The following FRRS1L variants were observed in gnomAD, a reference collection of about 807,000 sequenced individuals.
FRRS1L encodes the protein ferric chelate reductase 1 like, also known as DOMON domain-containing protein FRRS1L.
Under a neutral mutation model 28.6 loss-of-function variants are expected in FRRS1L, and 22 were observed. That is an observed-to-expected ratio of 0.77 (90% CI 0.55 to 1.10). The LOEUF is 1.10. Among genes scored for constraint, FRRS1L ranks in the 50% least tolerant of loss-of-function variants. The probability of loss-of-function intolerance (pLI) is 0.00; values close to 1 mark genes in which losing one functional copy is unlikely to be tolerated. For synonymous variants in FRRS1L, 158 were observed against 151.4 expected (o/e 1.04, Z -0.32); for missense variants, 380 against 386.9 (o/e 0.98, Z 0.15).
chr9:109,151,386 T>C (rs2118491439), intron 1 of FRRS1L: 1 of 153,494 alleles, frequency 6.5e-6, no homozygotes, highest in East Asian at 1.9e-4. Context: ...CCACTCCCCA[T>C]GGCTTGCATA....
intron 3 of FRRS1L, among the ~76,000 whole-genome samples, chr9:109,146,615 C>A (rs1335401042): frequency 1.3e-5 from 2 of 152,142 alleles, no homozygotes; most frequent in African/African-American, 4.8e-5. Context: ...GGTTCTTTCA[C>A]TTCTGCCTCT....
intron 1 of FRRS1L, chr9:109,151,669 T>G (rs1831331475): frequency 5.6e-6 from 1 of 177,918 alleles, no homozygotes; most frequent in Non-Finnish European, 1.2e-5. Flanking sequence ...AGAAATAAAG[T>G]GCACAATAAA....
Position 109,137,627 on chromosome 9 carries a change from C to T in FRRS1L, c.710G>A (p.Gly237Asp), listed in dbSNP as rs759548438. The T allele has an allele frequency of 3.2e-6, 5 of 1,538,790 alleles. No individual in the cohort carries two copies. Among genetic ancestry groups the T allele is most frequent in the Non-Finnish European group, 4.4e-6 (5 of 1,138,768 alleles). ...YLFAWGPAIQ[G>D]SITRHDIDSP... ...GTCTATATCATGTCGAGTGATAGAG[C>T]CTTTAAGAAAAAAAGAGAAGAGCAG... The change falls in exon 5 of 5, where the codon GGC becomes GAC. Residue 237 changes from glycine (G) to aspartate (D), a missense_variant and splice_region_variant. Coordinates refer to ENST00000561981, the MANE Select transcript of FRRS1L (RefSeq NM_014334.4).
At chr9:109,150,019 C>T (rs980452745) in intron 1 of FRRS1L, 7 of 240,898 alleles carry the variant, frequency 2.9e-5, no homozygotes, top group African/African-American at 1.4e-4. Context: ...ACCGCTGTCC[C>T]CTGGGAGTTT....
At chr9:109,149,183 G>A (rs1831298933) in intron 2 of FRRS1L, among the ~76,000 whole-genome samples, 1 of 152,206 alleles carries the variant, frequency 6.6e-6, no homozygotes, top group African/African-American at 2.4e-5. Context: ...CACCATGCCT[G>A]AGATAACAAG....
chr9:109,137,369 C>A lies in FRRS1L; in HGVS notation c.*86G>T. On this transcript the variant is annotated 3_prime_UTR_variant, in exon 5 of 5. Transcript: ENST00000561981. ...GGTTTTTTTTCTTAAATAATTGAAG[C>A]TAAAATTATACTGGATATTCTTTAA... 1 of 835,704 alleles carries A rather than the reference C, an allele frequency of 1.2e-6. No homozygotes were observed. The highest frequency in any genetic ancestry group is 3.1e-5 in the East Asian group (1 of 32,294). The allele number at this position is 835,704 out of a possible 1,614,324, so 51.8% of individuals were successfully genotyped here. A position where few individuals can be genotyped will look rare whatever the true frequency, so the allele number is the denominator to read the frequency against.
chr9:109,142,802 G>T (rs1396772878), intron 3 of FRRS1L, among the ~76,000 whole-genome samples: 2 of 131,680 alleles, frequency 1.5e-5, no homozygotes, highest in African/African-American at 5.6e-5. Flanking sequence ...GTGAGACCCT[G>T]TCTCAAAAAA....
chr9:109,152,588 A>C (rs1831344375), intron 1 of FRRS1L, among the ~76,000 whole-genome samples: 1 of 151,570 alleles, frequency 6.6e-6, no homozygotes, highest in Non-Finnish European at 1.5e-5. Flanking sequence ...GCAGATCATG[A>C]GGTCAGGAGA....
chr9:109,156,616 C>T (rs893393159), intron 1 of FRRS1L, among the ~76,000 whole-genome samples: 3 of 151,122 alleles, frequency 2.0e-5, no homozygotes, highest in African/African-American at 7.3e-5. Flanking sequence ...GTCTCAATCC[C>T]CTGACCTCGT....
At chr9:109,158,412 T>G (rs185199739) in intron 1 of FRRS1L, among the ~76,000 whole-genome samples, 3 of 152,354 alleles carry the variant, frequency 2.0e-5, no homozygotes, top group African/African-American at 7.2e-5. Context: ...CATAAGGTTA[T>G]GCAACCATCA....
At chr9:109,146,680 T>C (rs1043414960) in intron 3 of FRRS1L, among the ~76,000 whole-genome samples, 5 of 152,070 alleles carry the variant, frequency 3.3e-5, no homozygotes, top group African/African-American at 1.2e-4. Flanking sequence ...AAAACCTGAA[T>C]CCAACTCATG....
chr9:109,147,163 T>C lies in FRRS1L; in HGVS notation c.350A>G (p.Glu117Gly). Residue 117 changes from glutamate (E) to glycine (G), a missense_variant, in exon 3 of 5, where the codon GAG becomes GGG. Coordinates refer to ENST00000561981, the MANE Select transcript of FRRS1L (RefSeq NM_014334.4). ...FRYGKPGCNA[E>G]TCDYFLSYRM... is the part of the protein sequence containing the mutation. ...GTAGCTGAGGAAATAGTCACAGGTC[T>C]CTGCATTACAGCCTGGTTTGCCATA... 1 of 1,613,740 alleles carries C rather than the reference T, an allele frequency of 6.2e-7. No individual in the cohort carries two copies. The highest frequency in any genetic ancestry group is 8.5e-7 in the Non-Finnish European group (1 of 1,179,592).
chr9:109,143,054 C>T (rs2118472329), intron 3 of FRRS1L, among the ~76,000 whole-genome samples: 1 of 152,190 alleles, frequency 6.6e-6, no homozygotes, highest in East Asian at 1.9e-4. Context: ...TGTGATGGCT[C>T]ACGCCTATAA....
At chr9:109,157,436 G>A (rs553641510) in intron 1 of FRRS1L, among the ~76,000 whole-genome samples, 42 of 152,082 alleles carry the variant, frequency 2.8e-4, no homozygotes, top group African/African-American at 9.9e-4. Flanking sequence ...ACCCAGGCTA[G>A]AGTGCAGTGG....
chr9:109,137,671 C>G lies in FRRS1L; in HGVS notation c.710-44G>C, dbSNP rs766494104. Reference sequence around the variant, plus strand: ...AGAGCAGGGGCAATTGAAAAAAGAACAGATTTATAATGGTATAGGCAAACA... The same window carrying G: ...AGAGCAGGGGCAATTGAAAAAAGAAGAGATTTATAATGGTATAGGCAAACA... On this transcript the variant is annotated intron_variant, in intron 4 of 4. Transcript: ENST00000561981. The G allele has an allele frequency of 1.7e-5, 22 of 1,319,160 alleles. No homozygotes were observed. The Admixed American group carries it at 2.4e-4, about 15-fold the overall frequency. 81.7% of individuals were successfully genotyped at this position (1,319,160 alleles called of 1,614,324 possible).
At chr9:109,155,703 CAAA>C (rs539557102) in intron 1 of FRRS1L, among the ~76,000 whole-genome samples, 1 of 81,042 alleles carries the variant, frequency 1.2e-5, no homozygotes, top group Non-Finnish European at 2.4e-5. Context: ...GACTCCATCT[CAAA>C]AAAAAAAAAA....
chr9:109,142,908 T>A (rs1198026397), intron 3 of FRRS1L, among the ~76,000 whole-genome samples: 3 of 152,228 alleles, frequency 2.0e-5, no homozygotes, highest in African/African-American at 7.2e-5. Context: ...ATTTTGTTAA[T>A]CTAAGTAGCT....
chr9:109,143,516 CTT>C (rs371939320), intron 3 of FRRS1L, among the ~76,000 whole-genome samples: 42 of 135,140 alleles, frequency 3.1e-4, no homozygotes, highest in Middle Eastern at 3.8e-3. Context: ...AATAATGCAC[CTT>C]TTTTTTTTTT....
intron 4 of FRRS1L, chr9:109,138,640 G>C (rs575122816): frequency 9.2e-5 from 14 of 152,264 alleles, no homozygotes; most frequent in African/African-American, 3.4e-4. Context: ...TTAAACCTGG[G>C]AGGTGGAGGC....
Sources: gnomAD v4.1 joint callset for allele counts (sites outside exome capture counted in the v4.1 genomes callset) on GRCh38, gnomAD v4.1.1 for gene constraint, MANE v1.5 for transcripts, NCBI Gene and HGNC (gene_info 2026-07-23, HGNC 2026-07-21) for gene names.